CATSPERE: variants seen among roughly 807,000 people sequenced by gnomAD.
The protein encoded by CATSPERE is cation channel sperm-associated auxiliary subunit epsilon.
Under a neutral mutation model 114.1 loss-of-function variants are expected in CATSPERE, and 93 were observed. That is an observed-to-expected ratio of 0.81 (90% CI 0.69 to 0.97). The LOEUF (loss-of-function observed/expected upper bound fraction) is 0.97, where lower values mean the gene tolerates loss of function less well. CATSPERE is among the 50% of genes least tolerant of loss of function. CATSPERE has a pLI of 0.00. For synonymous variants in CATSPERE, 341 were observed against 384.1 expected (o/e 0.89, Z 1.31); for missense variants, 1,058 against 1,131.6 (o/e 0.93, Z 0.93).
chr1:244,518,822 A>C lies in CATSPERE; in HGVS notation c.536+124A>C. Reference sequence around the variant, plus strand: ...TTTCAAGTGCCTTCTTTTATAAAACATAAAAAATTTGATAATCAGAACTAA... The same window carrying C: ...TTTCAAGTGCCTTCTTTTATAAAACCTAAAAAATTTGATAATCAGAACTAA... On this transcript the variant is annotated intron_variant, in intron 8 of 21. Transcript: ENST00000366534. 7.5e-6 allele frequency: 4 copies of C among 531,414 alleles called. No homozygotes were observed. In the Admixed American group the frequency reaches 1.1e-4, roughly 15 times the overall value. The allele number at this position is 531,414 out of a possible 1,614,324, so 32.9% of individuals were successfully genotyped here. A position where few individuals can be genotyped will look rare whatever the true frequency, so the allele number is the denominator to read the frequency against.
At chr1:244,500,869 T>C (rs1322891078) in intron 7 of CATSPERE, among the ~76,000 whole-genome samples, 1 of 152,318 alleles carries the variant, frequency 6.6e-6, no homozygotes, top group East Asian at 1.9e-4. Context: ...TAGTTTTTTC[T>C]AGTTCTGTGA....
intron 8 of CATSPERE, among the ~76,000 whole-genome samples, chr1:244,528,460 A>G (rs1679020150): frequency 6.6e-6 from 1 of 152,296 alleles, no homozygotes; most frequent in South Asian, 2.1e-4. Flanking sequence ...TAAATAGTAC[A>G]TTGTTTAGTA....
At chr1:244,459,152 C>T (rs1666423028), upstream of CATSPERE, among the ~76,000 whole-genome samples, 1 of 150,166 alleles carries the variant, frequency 6.7e-6, no homozygotes, top group African/African-American at 2.5e-5. Context: ...AGTCTCGGCT[C>T]ACTGCAACCT....
chr1:244,516,748 T>G (rs921194858), intron 7 of CATSPERE, among the ~76,000 whole-genome samples: 1 of 152,046 alleles, frequency 6.6e-6, no homozygotes, highest in East Asian at 1.9e-4. Context: ...CCTCGAACTC[T>G]TGACTTCAGG....
chr1:244,475,446 C>G (rs911896737), intron 2 of CATSPERE, among the ~76,000 whole-genome samples: 2 of 151,538 alleles, frequency 1.3e-5, no homozygotes, highest in Non-Finnish European at 2.9e-5. Context: ...GTTGGCCAGA[C>G]TGGTCTCGAA....
chr1:244,507,906 GC>G (rs879665797), intron 7 of CATSPERE, among the ~76,000 whole-genome samples: 8 of 152,048 alleles, frequency 5.3e-5, no homozygotes, highest in Non-Finnish European at 7.4e-5. Context: ...GGTTGTGTAT[GC>G]CCCTAGCTTT....
At chr1:244,529,268 G>A (rs1248338901) in intron 8 of CATSPERE, among the ~76,000 whole-genome samples, 1 of 152,116 alleles carries the variant, frequency 6.6e-6, no homozygotes, top group African/African-American at 2.4e-5. Context: ...TCTCCATAGT[G>A]GTTATACTAA....
intron 18 of CATSPERE, among the ~76,000 whole-genome samples, chr1:244,608,172 TG>T (rs2148683934): frequency 6.6e-6 from 1 of 152,286 alleles, no homozygotes; most frequent in Non-Finnish European, 1.5e-5. Flanking sequence ...CCCTGAGAGT[TG>T]GGGTGTATTA....
Position 244,602,325 on chromosome 1 carries a change from G to A in CATSPERE, c.2304-3370G>A, listed in dbSNP as rs187596439. ...ATACATAGTTGAAAACCAGGTATCCGATCAGGTATTCATCAGAGGTGAATT... is the reference window on the plus strand; with the variant it reads ...ATACATAGTTGAAAACCAGGTATCCAATCAGGTATTCATCAGAGGTGAATT... On this transcript the variant is annotated intron_variant, in intron 17 of 21. Coordinates refer to ENST00000366534, the MANE Select transcript of CATSPERE (RefSeq NM_001130957.2). 4.6e-5 allele frequency among the ~76,000 whole-genome samples: 7 copies of A among 152,290 alleles called. No individual in the cohort carries two copies. In the East Asian group the frequency reaches 1.2e-3, roughly 25 times the overall value.
chr1:244,526,650 CT>C (rs1330027997), intron 8 of CATSPERE, among the ~76,000 whole-genome samples: 37,328 of 134,026 alleles, frequency 0.28, 6,239 homozygotes, highest in African/African-American at 0.51. Flanking sequence ...TAGTCTTTTT[CT>C]TTTTTTTTTT....
In CATSPERE at chr1:244,491,684, G is replaced by T. The variant is rs568203912; in HGVS notation, c.351+1213G>T. On this transcript the variant is annotated intron_variant, in intron 6 of 21. Coordinates refer to ENST00000366534, the MANE Select transcript of CATSPERE (RefSeq NM_001130957.2). Reference sequence around the variant, plus strand: ...GTTTTTTGAAAAGACCAACAAAATCGATAGACCGCTAGCAAGACTAATAAA... The same window carrying T: ...GTTTTTTGAAAAGACCAACAAAATCTATAGACCGCTAGCAAGACTAATAAA... 1.0e-3 allele frequency among the ~76,000 whole-genome samples: 156 copies of T among 152,102 alleles called. 2 individuals carry two copies. Among genetic ancestry groups the T allele is most frequent in the African/African-American group, 3.5e-3 (144 of 41,484 alleles).
intron 8 of CATSPERE, among the ~76,000 whole-genome samples, chr1:244,543,287 G>C (rs1659163547): frequency 6.6e-6 from 1 of 152,080 alleles, no homozygotes; most frequent in African/African-American, 2.4e-5. Flanking sequence ...ACACACAGTG[G>C]AATACTATTC....
At chr1:244,485,965 G>A (rs998402065) in intron 5 of CATSPERE, among the ~76,000 whole-genome samples, 2 of 151,546 alleles carry the variant, frequency 1.3e-5, no homozygotes, top group African/African-American at 4.9e-5. Context: ...AAAAGCACTG[G>A]GAGCCACCAC....
intron 7 of CATSPERE, among the ~76,000 whole-genome samples, chr1:244,518,112 A>G (rs1484278271): frequency 6.6e-6 from 1 of 152,148 alleles, no homozygotes; most frequent in Admixed American, 6.5e-5. Context: ...CCTTCTCCTT[A>G]TGTATCATGA....
At position 244,640,269 on chromosome 1, in the gene CATSPERE, TATTAA is replaced by T. The variant is rs1675196180; in HGVS notation, c.*194_*198del. The T allele has an allele frequency of 2.2e-6, 1 of 452,404 alleles. No individual in the cohort carries two copies. Among genetic ancestry groups the T allele is most frequent in the South Asian group, 3.5e-5 (1 of 28,604 alleles). 28.0% of individuals were successfully genotyped at this position (452,404 alleles called of 1,614,324 possible). ...ATAGAAATGTTTTCATATATATTGTTATTAAATTAATCCTTTGTTTGCCTTCATTT... is the reference window on the plus strand; with the variant it reads ...ATAGAAATGTTTTCATATATATTGTTATTAATCCTTTGTTTGCCTTCATTT... On this transcript the variant is annotated 3_prime_UTR_variant, in exon 22 of 22. Transcript: ENST00000366534.
intron 18 of CATSPERE, among the ~76,000 whole-genome samples, chr1:244,608,687 TTTCTCC>T (rs1167839331): frequency 6.6e-6 from 1 of 152,176 alleles, no homozygotes. Flanking sequence ...AACCCTCTGC[TTTCTCC>T]TTCTCCCTCT....
intron 8 of CATSPERE, among the ~76,000 whole-genome samples, chr1:244,528,184 A>C (rs974908804): frequency 2.0e-5 from 3 of 152,140 alleles, no homozygotes; most frequent in African/African-American, 7.2e-5. Context: ...TGTTCTCATC[A>C]TTCAGCTCCC....
At chr1:244,486,931 G>A (rs1192533657) in intron 5 of CATSPERE, among the ~76,000 whole-genome samples, 2 of 142,346 alleles carry the variant, frequency 1.4e-5, no homozygotes, top group Non-Finnish European at 3.1e-5. Flanking sequence ...GTAGACCCTC[G>A]TAGTCACCTG....
rs545019012 is a variant in CATSPERE at position 244,573,363 on chromosome 1, A to T, written c.1950+591A>T. On this transcript the variant is annotated intron_variant, in intron 11 of 21. Transcript: ENST00000366534. This position sits in a 1 kb window ranked among gnomAD's most constrained non-coding sequence, Gnocchi z 4.0. ...GAGGTGGAGGTTGCAGTGAGCCGAG[A>T]TCACACCACTGCACTCCAGCCTGGG... is the stretch of plus-strand genomic sequence containing the variant. Among the ~76,000 whole-genome samples, 13 of 151,780 alleles carry T rather than the reference A, an allele frequency of 8.6e-5. No individual in the cohort carries two copies. In the South Asian group the frequency reaches 2.5e-3, roughly 29 times the overall value.
Sources: gnomAD v4.1 joint callset for allele counts (sites outside exome capture counted in the v4.1 genomes callset) on GRCh38, gnomAD v4.1.1 for gene constraint, Gnocchi (gnomAD v3.1) non-coding constraint, MANE v1.5 for transcripts, NCBI Gene and HGNC (gene_info 2026-07-23, HGNC 2026-07-21) for gene names.